The following NFIB variants were observed in gnomAD, a reference collection of about 807,000 sequenced individuals.
The protein encoded by NFIB is nuclear factor 1 B-type.
NFIB carries 11 observed loss-of-function variants against 61.5 expected under a neutral mutation model. The ratio of observed to expected loss-of-function variants is 0.18; its 90% CI spans 0.11 to 0.30. NFIB has a LOEUF of 0.30. Ranked by LOEUF, NFIB falls within the 10% of genes least tolerant of loss-of-function variation. The pLI, the probability that NFIB is intolerant of heterozygous loss-of-function variation, is 1.00. For synonymous variants in NFIB, 260 were observed against 216.5 expected, an observed-to-expected ratio of 1.20 and a Z score of -1.76; for missense variants, 471 against 608.9, an observed-to-expected ratio of 0.77 and a Z score of 2.38.
At chr9:14,349,405 A>T (rs2061077881) in intron 1 of NFIB, among the ~76,000 whole-genome samples, 2 of 152,264 alleles carry the variant, frequency 1.3e-5, no homozygotes, top group African/African-American at 4.8e-5. Context: ...GGAAGCGTAG[A>T]CTGGGTTCAA....
intron 10 of NFIB, among the ~76,000 whole-genome samples, chr9:14,088,797 T>A (rs1334386764): frequency 6.6e-6 from 1 of 152,176 alleles, no homozygotes; most frequent in African/African-American, 2.4e-5. Context: ...ACCTGCCTAT[T>A]GGGTTGAATA....
chr9:14,182,637 A>G (rs1009983383), intron 2 of NFIB, among the ~76,000 whole-genome samples: 2 of 145,180 alleles, frequency 1.4e-5, no homozygotes, highest in Admixed American at 7.0e-5. Flanking sequence ...CTCTATACCC[A>G]AAGGTTTTAT....
At chr9:14,323,851 T>A (rs2060718902) in intron 1 of NFIB, among the ~76,000 whole-genome samples, 1 of 152,236 alleles carries the variant, frequency 6.6e-6, no homozygotes, top group South Asian at 2.1e-4. Flanking sequence ...TGTATACACA[T>A]CATACATACG....
intron 10 of NFIB, among the ~76,000 whole-genome samples, chr9:14,093,008 G>T (rs1448446704): frequency 6.6e-6 from 1 of 151,874 alleles, no homozygotes; most frequent in Non-Finnish European, 1.5e-5. Context: ...ATGCATTATG[G>T]GAGTGTGTCT....
At chr9:14,412,207 A>T in the NFIB span, among the ~76,000 whole-genome samples, 2 of 152,154 alleles carry the variant, frequency 1.3e-5, no homozygotes, top group African/African-American at 4.8e-5. Flanking sequence ...GTACTTACAT[A>T]TGGTCTTAGA....
chr9:14,469,774 A>G, the NFIB span, among the ~76,000 whole-genome samples: 1 of 152,180 alleles, frequency 6.6e-6, no homozygotes, highest in East Asian at 1.9e-4. Flanking sequence ...ATGGCTGTCC[A>G]TCATGGTTCT....
chr9:14,310,679 A>T (rs2060238158), intron 1 of NFIB, among the ~76,000 whole-genome samples: 1 of 152,214 alleles, frequency 6.6e-6, no homozygotes, highest in South Asian at 2.1e-4. Flanking sequence ...AAACAACTGT[A>T]TACAAAGGTA....
At chr9:14,113,839 T>C (rs899013970) in intron 9 of NFIB, among the ~76,000 whole-genome samples, 1 of 152,170 alleles carries the variant, frequency 6.6e-6, no homozygotes, top group Non-Finnish European at 1.5e-5. Flanking sequence ...ATAGTCTCAT[T>C]TGCAAGTACT....
At chr9:14,148,156 T>C (rs1163539973) in intron 5 of NFIB, among the ~76,000 whole-genome samples, 1 of 152,184 alleles carries the variant, frequency 6.6e-6, no homozygotes, top group African/African-American at 2.4e-5. Context: ...AGGGTCTCAC[T>C]CTGTTGTCCA....
chr9:14,168,803 A>T (rs926308628), intron 3 of NFIB, among the ~76,000 whole-genome samples: 1 of 152,186 alleles, frequency 6.6e-6, no homozygotes, highest in Admixed American at 6.5e-5. Flanking sequence ...CCTTCTTTTT[A>T]AAACATTTTG....
At chr9:14,467,980 A>T in the NFIB span, among the ~76,000 whole-genome samples, 1 of 152,232 alleles carries the variant, frequency 6.6e-6, no homozygotes, top group Admixed American at 6.5e-5. Flanking sequence ...ATATGACTTT[A>T]ATCCTGTGGA....
At chr9:14,212,896 G>C (rs2050462641) in intron 2 of NFIB, among the ~76,000 whole-genome samples, 1 of 152,096 alleles carries the variant, frequency 6.6e-6, no homozygotes, top group Admixed American at 6.5e-5. Context: ...TTTTACCCAA[G>C]GTCATAGCCC....
intron 1 of NFIB, among the ~76,000 whole-genome samples, chr9:14,308,750 A>G (rs185061069): frequency 1.6e-4 from 24 of 152,330 alleles, no homozygotes; most frequent in Admixed American, 1.1e-3. Context: ...AATCTTTTGA[A>G]TTAAGTAGTT....
intron 2 of NFIB, among the ~76,000 whole-genome samples, chr9:14,253,194 A>C (rs2132153554): frequency 6.6e-6 from 1 of 152,270 alleles, no homozygotes; most frequent in Middle Eastern, 3.4e-3. Context: ...TGACTATTCA[A>C]CATGTCTTTT....
chr9:14,383,500 G>A (rs143686366), intron 1 of NFIB, among the ~76,000 whole-genome samples: 67 of 152,336 alleles, frequency 4.4e-4, no homozygotes, highest in African/African-American at 9.6e-4. Flanking sequence ...TTTGCATGAT[G>A]AGTGTGGGTA....
Position 14,088,343 on chromosome 9 carries a change from G to A in NFIB, c.1468-17C>T. On this transcript the variant is annotated splice_polypyrimidine_tract_variant and intron_variant, in intron 10 of 10. Coordinates refer to ENST00000380953, the MANE Select transcript of NFIB (RefSeq NM_001190737.2). Reference sequence around the variant, plus strand: ...GTACCAGGACTGTTGAGAGGAGAGAGGCAGCAGGGAGGGAAGAAAAAAGAA... The same window carrying A: ...GTACCAGGACTGTTGAGAGGAGAGAAGCAGCAGGGAGGGAAGAAAAAAGAA... 1 of 1,501,396 alleles carries A rather than the reference G, an allele frequency of 6.7e-7. No homozygotes were observed. Among genetic ancestry groups the A allele is most frequent in the Admixed American group, 2.0e-5 (1 of 50,412 alleles). The allele number at this position is 1,501,396 out of a possible 1,614,324, so 93.0% of individuals were successfully genotyped here. A position where few individuals can be genotyped will look rare whatever the true frequency, so the allele number is the denominator to read the frequency against.
the NFIB span, among the ~76,000 whole-genome samples, chr9:14,531,487 G>T: frequency 6.6e-6 from 1 of 152,168 alleles, no homozygotes; most frequent in African/African-American, 2.4e-5. Flanking sequence ...GCATACTGAT[G>T]AGGGAGCCGC....
At chr9:14,309,810 C>G (rs965405092) in intron 1 of NFIB, among the ~76,000 whole-genome samples, 5 of 152,194 alleles carry the variant, frequency 3.3e-5, no homozygotes, top group Non-Finnish European at 1.5e-5. Flanking sequence ...TAATCTTTTA[C>G]TACGATTTAT....
the NFIB span, among the ~76,000 whole-genome samples, chr9:14,445,274 T>C: frequency 1.3e-5 from 2 of 152,166 alleles, no homozygotes; most frequent in African/African-American, 2.4e-5. Flanking sequence ...CAAATAGTGA[T>C]AATTTTAATC....
Sources: gnomAD v4.1 joint callset for allele counts (sites outside exome capture counted in the v4.1 genomes callset) on GRCh38, gnomAD v4.1.1 for gene constraint, MANE v1.5 for transcripts, NCBI Gene and HGNC (gene_info 2026-07-23, HGNC 2026-07-21) for gene names.